The following RNF213 variants were observed in gnomAD, a reference collection of about 807,000 sequenced individuals.
The protein encoded by RNF213 is E3 ubiquitin-protein ligase RNF213.
In RNF213, 341 loss-of-function variants were observed where a neutral mutation model predicts 514.4. The ratio of observed to expected loss-of-function variants is 0.66; its 90% CI spans 0.61 to 0.73. The LOEUF is 0.73. Ranked by LOEUF, RNF213 falls within the 30% of genes least tolerant of loss-of-function variation. RNF213 has a pLI of 0.00. For synonymous variants in RNF213, 2,655 were observed against 2,658.2 expected, an observed-to-expected ratio of 1.00 and a Z score of 0.04; for missense variants, 5,767 against 6,615.6, an observed-to-expected ratio of 0.87 and a Z score of 4.45.
At chr17:80,262,364 C>T (rs1247149979) in intron 1 of RNF213, among the ~76,000 whole-genome samples, 3 of 152,102 alleles carry the variant, frequency 2.0e-5, no homozygotes, top group Admixed American at 2.0e-4. Context: ...GAGAAGACTG[C>T]AGAAGACAGA....
Position 80,317,074 on chromosome 17 carries a change from C to T in RNF213, c.2812-114C>T, listed in dbSNP as rs1295294192. The T allele has an allele frequency of 1.8e-5, 20 of 1,127,352 alleles. No homozygotes were observed. Among genetic ancestry groups the T allele is most frequent in the South Asian group, 4.0e-5 (3 of 75,464 alleles). The allele number at this position is 1,127,352 out of a possible 1,614,324, so 69.8% of individuals were successfully genotyped here. A position where few individuals can be genotyped will look rare whatever the true frequency, so the allele number is the denominator to read the frequency against. On this transcript the variant is annotated intron_variant, in intron 15 of 67. Coordinates refer to ENST00000582970, the MANE Select transcript of RNF213 (RefSeq NM_001256071.3). The surrounding 1 kb of genome is among the most constrained non-coding windows in gnomAD (Gnocchi z 4.1). ...GAAGGTTGGGGAGAGCCCTGGTGTT[C>T]GCGGAGTCCCGCGCTCTCTGTATTG...
At chr17:80,388,210 C>A (rs1185254265) in intron 63 of RNF213, among the ~76,000 whole-genome samples, 2 of 152,184 alleles carry the variant, frequency 1.3e-5, no homozygotes, top group Admixed American at 6.5e-5. Context: ...GTGATCTGCC[C>A]GTCTCTGCCT....
In RNF213 at chr17:80,327,968, T is replaced by C; in HGVS notation, c.3346T>C (p.Phe1116Leu). 1 of 1,537,236 alleles carries C rather than the reference T, an allele frequency of 6.5e-7. No homozygotes were observed. Among genetic ancestry groups the C allele is most frequent in the Non-Finnish European group, 8.7e-7 (1 of 1,146,898 alleles). ...GCTGATTATAAAGCACAAGAATCAG[T>C]TTCTTGACATCTGGCAACTGAGTAA... is the stretch of plus-strand genomic sequence containing the variant. ...LELIIKHKNQ[F>L]LDIWQLREKS... Residue 1116 changes from phenylalanine (F) to leucine (L), a missense_variant, in exon 19 of 68, where the codon TTT becomes CTT. Physicochemically the swap from Phe to Leu is conservative, Grantham distance 22. Around this residue, in one of 13 missense-constraint regions of RNF213, gnomAD observed 516 missense variants for 566.5 expected, o/e 0.91. Transcript: ENST00000582970.
intron 3 of RNF213, among the ~76,000 whole-genome samples, chr17:80,282,763 C>G (rs1380960971): frequency 1.3e-5 from 2 of 152,040 alleles, no homozygotes; most frequent in Non-Finnish European, 2.9e-5. Flanking sequence ...GTGGTGCAAT[C>G]TTGGCTCACT....
rs2080368267 is a variant in RNF213 at position 80,389,343 on chromosome 17, T to C, written c.15171T>C (p.Gly5057=). The C allele has an allele frequency of 6.2e-7, 1 of 1,614,078 alleles. No individual in the cohort carries two copies. The highest frequency in any genetic ancestry group is 1.3e-5 in the African/African-American group (1 of 75,012). Residue 5057 remains glycine, a synonymous_variant, in exon 65 of 68, where the codon GGT becomes GGC. Transcript: ENST00000582970. Reference sequence around the variant, plus strand: ...ATACTCAAGACATCCTGCAAATGGGTGATCAGACGATTCACGTGTTAAAGG... The same window carrying C: ...ATACTCAAGACATCCTGCAAATGGGCGATCAGACGATTCACGTGTTAAAGG... ...NVYTQDILQM[G]DQTIHVLKAL...
In RNF213 at chr17:80,368,001, A is replaced by G; in HGVS notation, c.12013A>G (p.Lys4005Glu). The G allele has an allele frequency of 1.1e-5, 17 of 1,614,172 alleles. No homozygotes were observed. Among genetic ancestry groups the G allele is most frequent in the Non-Finnish European group, 1.4e-5 (17 of 1,180,040 alleles). The change falls in exon 44 of 68, where the codon AAG becomes GAG. Residue 4005 changes from lysine to glutamate, a missense_variant. Around this residue, in one of 13 missense-constraint regions of RNF213, gnomAD observed 25 missense variants for 53.1 expected, o/e 0.47. Transcript: ENST00000582970. ...QPCSICLGDAKDPVCLPCDHV... is the reference protein window; with the variant it reads ...QPCSICLGDAEDPVCLPCDHV... ...GTGCTCCATCTGCCTGGGAGATGCA[A>G]AGGACCCCGTCTGTCTGCCCTGCGA...
intron 29 of RNF213, among the ~76,000 whole-genome samples, chr17:80,348,943 G>A (rs2078406654): frequency 6.6e-6 from 1 of 152,220 alleles, no homozygotes. Flanking sequence ...AGGCACGCTT[G>A]TCTCCCTGGC....
At position 80,346,663 on chromosome 17, in the gene RNF213, T is replaced by G. The variant is rs767106950; in HGVS notation, c.8328T>G (p.Ser2776=). 2 of 1,611,518 alleles carry G rather than the reference T, an allele frequency of 1.2e-6. No individual in the cohort carries two copies. The highest frequency in any genetic ancestry group is 1.7e-6 in the Non-Finnish European group (2 of 1,179,994). The stretch of plus-strand genomic sequence containing the variant: ...TGGGGAAGCCCGGCAGCTCCAAGTC[T>G]CTCGCCAAGACCATCGTGGCAGACG... ...FLVGKPGSSK[S]LAKTIVADAM... Residue 2776 remains serine, a synonymous_variant, in exon 29 of 68, where the codon TCT becomes TCG. Coordinates refer to ENST00000582970, the MANE Select transcript of RNF213 (RefSeq NM_001256071.3). This position sits in a 1 kb window ranked among gnomAD's most constrained non-coding sequence, Gnocchi z 8.1.
At chr17:80,277,028 G>A (rs938557102) in intron 3 of RNF213, among the ~76,000 whole-genome samples, 3 of 151,762 alleles carry the variant, frequency 2.0e-5, no homozygotes, top group African/African-American at 7.3e-5. Context: ...CTGCACTCCA[G>A]CCTGGCAACA....
Position 80,297,157 on chromosome 17 carries a change from A to G in RNF213, c.2013-1164A>G, listed in dbSNP as rs1329009262. 4.6e-5 allele frequency among the ~76,000 whole-genome samples: 7 copies of G among 151,524 alleles called. No homozygotes were observed. In the East Asian group the frequency reaches 9.7e-4, roughly 21 times the overall value. ...TTATAGGCTCAACCCTTACGTTTAAAAAGTTGTTTTGGGGCCGGGCACGGT... is the reference window on the plus strand; with the variant it reads ...TTATAGGCTCAACCCTTACGTTTAAGAAGTTGTTTTGGGGCCGGGCACGGT... On this transcript the variant is annotated intron_variant, in intron 10 of 67. Transcript: ENST00000582970.
At chr17:80,285,529 T>C (rs183808267) in intron 3 of RNF213, among the ~76,000 whole-genome samples, 7 of 152,352 alleles carry the variant, frequency 4.6e-5, no homozygotes, top group Non-Finnish European at 1.0e-4. Context: ...TGCCTGTTTC[T>C]TGACGGCCTC....
intron 65 of RNF213, 55 bp from the exon 66 acceptor site, chr17:80,389,773 A>C: frequency 6.9e-7 from 1 of 1,449,922 alleles, no homozygotes; most frequent in Non-Finnish European, 9.7e-7. Context: ...GGTGCACGAC[A>C]TGAGTGGGGG....
rs1408520202 is a variant in RNF213, at chr17:80,309,037, T to C, written c.2521T>C (p.Ser841Pro). ...GGGCAGGATTCCCGAGGAGGCCTTG[T>C]CACCATCCTACCTGACTGTGTGTCT... ...YRDKIPEEALSPSYLTVCLKL... is the reference protein window; with the variant it reads ...YRDKIPEEALPPSYLTVCLKL... Residue 841 changes from serine (S) to proline (P), a missense_variant, in exon 14 of 68, where the codon TCA becomes CCA. Around this residue, in one of 13 missense-constraint regions of RNF213, gnomAD observed 592 missense variants for 673.9 expected, o/e 0.88. Coordinates refer to ENST00000582970, the MANE Select transcript of RNF213 (RefSeq NM_001256071.3). 1.2e-6 allele frequency: 2 copies of C among 1,614,124 alleles called. No homozygotes were observed. The highest frequency in any genetic ancestry group is 1.7e-6 in the Non-Finnish European group (2 of 1,180,026).
rs1328892538 is a variant in RNF213 at position 80,396,116 on chromosome 17, GA to G, written c.*2624del. 2.0e-5 allele frequency: 3 copies of G among 152,106 alleles called. No homozygotes were observed. The highest frequency in any genetic ancestry group is 2.9e-5 in the Non-Finnish European group (2 of 68,016). The allele number at this position is 152,106 out of a possible 1,614,324, so 9.4% of individuals were successfully genotyped here. ...ATCTCCTTCTCTTTGAGACCTGACT[GA>G]AAAAATTAGGTGTGCACACCTGTAA... is the stretch of plus-strand genomic sequence containing the variant. On this transcript the variant is annotated 3_prime_UTR_variant, in exon 68 of 68. Coordinates refer to ENST00000582970, the MANE Select transcript of RNF213 (RefSeq NM_001256071.3).
rs766766115 is a variant in RNF213 at position 80,368,031 on chromosome 17, G to A, written c.12043G>A (p.Val4015Met). 1.3e-5 allele frequency: 21 copies of A among 1,614,106 alleles called. No individual in the cohort carries two copies. Among genetic ancestry groups the A allele is most frequent in the African/African-American group, 2.7e-5 (2 of 74,938 alleles). Residue 4015 changes from valine to methionine, a missense_variant, in exon 44 of 68, where the codon GTG (valine) becomes ATG (methionine). Coordinates refer to ENST00000582970, the MANE Select transcript of RNF213 (RefSeq NM_001256071.3). Reference protein sequence around the residue: ...KDPVCLPCDHVHCLRCLRAWF... With the variant: ...KDPVCLPCDHMHCLRCLRAWF... ...CCCCGTCTGTCTGCCCTGCGACCAC[G>A]TGCACTGCCTGCGCTGCCTCAGGGC...
In RNF213 at chr17:80,361,750, C is replaced by G; in HGVS notation, c.11217C>G (p.Phe3739Leu). ...TCTCTGCAGGACTGCCCAAGAAGTT[C>G]GTGGACATCTTTCAGCAGACTCCTC... ...ITDAEGLPKK[F>L]VDIFQQTPLG... Residue 3739 changes from phenylalanine (F) to leucine (L), a missense_variant, in exon 39 of 68, where the codon TTC becomes TTG. Coordinates refer to ENST00000582970, the MANE Select transcript of RNF213 (RefSeq NM_001256071.3). 1.2e-6 allele frequency: 2 copies of G among 1,613,710 alleles called. No individual in the cohort carries two copies. Among genetic ancestry groups the G allele is most frequent in the Non-Finnish European group, 1.7e-6 (2 of 1,179,782 alleles).
Position 80,381,753 on chromosome 17 carries a change from G to A in RNF213, c.13978+26G>A, listed in dbSNP as rs770129211. On this transcript the variant is annotated intron_variant, in intron 57 of 67. Coordinates refer to ENST00000582970, the MANE Select transcript of RNF213 (RefSeq NM_001256071.3). ...GTGAGGAAAGGGGCAAGGGCTGGGCGGGGATCACACAGCACAACGGCAGCG... is the reference window on the plus strand; with the variant it reads ...GTGAGGAAAGGGGCAAGGGCTGGGCAGGGATCACACAGCACAACGGCAGCG... The A allele has an allele frequency of 2.6e-5, 41 of 1,604,018 alleles. No individual in the cohort carries two copies. The Admixed American group carries it at 3.0e-4, about 12-fold the overall frequency.
Position 80,395,059 on chromosome 17 carries a change from G to C in RNF213, c.*1561G>C, listed in dbSNP as rs879263199. 5.9e-5 allele frequency: 9 copies of C among 152,128 alleles called. No individual in the cohort carries two copies. The highest frequency in any genetic ancestry group is 1.4e-4 in the African/African-American group (6 of 41,414). 9.4% of individuals were successfully genotyped at this position (152,128 alleles called of 1,614,324 possible). ...AGACTCACTGGCCACACCTCAGCAG[G>C]GGGGGAGTCGAGTGTCAGTCTCTTT... is the stretch of plus-strand genomic sequence containing the variant. On this transcript the variant is annotated 3_prime_UTR_variant, in exon 68 of 68. Transcript: ENST00000582970.
rs768010427 is a variant in RNF213 at position 80,360,080 on chromosome 17, T to C, written c.11074T>C (p.Tyr3692His). ...NNERHKGEMA[Y>H]IVVQNHMNLS... ...TTGCAGACATAAAGGTGAGATGGCC[T>C]ACATCGTGGTGCAGAACCACATGAA... Residue 3692 changes from tyrosine (Y) to histidine (H), a missense_variant, in exon 38 of 68, where the codon TAC becomes CAC. By Grantham distance (83) the Tyr-to-His change is moderately conservative. Around this residue, in one of 13 missense-constraint regions of RNF213, gnomAD observed 919 missense variants for 1,121.0 expected, o/e 0.82. Coordinates refer to ENST00000582970, the MANE Select transcript of RNF213 (RefSeq NM_001256071.3). The C allele has an allele frequency of 6.2e-7, 1 of 1,614,176 alleles. No homozygotes were observed. The highest frequency in any genetic ancestry group is 1.1e-5 in the South Asian group (1 of 91,078).
Sources: allele counts gnomAD v4.1 joint callset (sites outside exome capture counted in the v4.1 genomes callset), GRCh38; gene constraint gnomAD v4.1.1; regional missense constraint gnomAD v4.1.1; non-coding constraint Gnocchi (gnomAD v3.1); transcripts MANE v1.5; gene names NCBI Gene and HGNC (gene_info 2026-07-23, HGNC 2026-07-21).